GALNT18: variants seen among roughly 807,000 people sequenced by gnomAD.
GALNT18 encodes GalNAc-transferase 18.
A neutral mutation model predicts 69.5 loss-of-function variants in GALNT18; 44 were observed. The observed-to-expected ratio is 0.63, with a 90% CI of 0.50 to 0.81. The LOEUF is 0.81. Among genes scored for constraint, GALNT18 ranks in the 40% least tolerant of loss-of-function variants. The pLI, the probability that GALNT18 is intolerant of heterozygous loss-of-function variation, is 0.00. For synonymous variants in GALNT18, 364 were observed against 318.2 expected, an observed-to-expected ratio of 1.14 and a Z score of -1.53; for missense variants, 715 against 810.0, an observed-to-expected ratio of 0.88 and a Z score of 1.42.
chr11:11,535,724 C>T (rs1236975569), intron 1 of GALNT18, among the ~76,000 whole-genome samples: 1 of 152,208 alleles, frequency 6.6e-6, no homozygotes, highest in African/African-American at 2.4e-5. Flanking sequence ...GATCCTGTGA[C>T]TTCCTCCAGG....
intron 3 of GALNT18, among the ~76,000 whole-genome samples, chr11:11,408,331 C>G (rs1440292046): frequency 3.7e-5 from 5 of 136,076 alleles, no homozygotes; most frequent in Admixed American, 1.6e-4. Context: ...TGGCACAGCA[C>G]TCCAGCCTGA....
chr11:11,505,285 T>C lies in GALNT18; in HGVS notation c.236-56349A>G, dbSNP rs1049494403. 2.6e-5 allele frequency among the ~76,000 whole-genome samples: 4 copies of C among 152,132 alleles called. No homozygotes were observed. The highest frequency in any genetic ancestry group is 7.2e-5 in the African/African-American group (3 of 41,412). On this transcript the variant is annotated intron_variant, in intron 1 of 10. Transcript: ENST00000227756. The surrounding 1 kb of genome is among the most constrained non-coding windows in gnomAD (Gnocchi z 4.6). ...GTCATGGATTGGTTGTGAGATATTA[T>C]GAATATCAACCTTAAGTAAAAACAA... is the stretch of plus-strand genomic sequence containing the variant.
At chr11:11,388,020 G>A (rs1035355206) in intron 3 of GALNT18, among the ~76,000 whole-genome samples, 2 of 152,204 alleles carry the variant, frequency 1.3e-5, no homozygotes, top group African/African-American at 4.8e-5. Flanking sequence ...CTTCAAAGTC[G>A]ATTGATACTA....
At position 11,587,846 on chromosome 11, in the gene GALNT18, T is replaced by C. The variant is rs1407681370; in HGVS notation, c.235+33513A>G. On this transcript the variant is annotated intron_variant, in intron 1 of 10. Coordinates refer to ENST00000227756, the MANE Select transcript of GALNT18 (RefSeq NM_198516.3). The surrounding 1 kb of genome is among the most constrained non-coding windows in gnomAD (Gnocchi z 4.4). ...TGAACCTCTTCTATGGTCCAAAGAA[T>C]AATAAGAACACAAAATATAGAAATC... Among the ~76,000 whole-genome samples, 2 of 151,790 alleles carry C rather than the reference T, an allele frequency of 1.3e-5. No homozygotes were observed. The highest frequency in any genetic ancestry group is 2.9e-5 in the Non-Finnish European group (2 of 67,946).
chr11:11,329,519 C>T (rs145988855), intron 8 of GALNT18, among the ~76,000 whole-genome samples: 1 of 152,350 alleles, frequency 6.6e-6, no homozygotes, highest in East Asian at 1.9e-4. Flanking sequence ...CTTCCCTTGG[C>T]TCTCAGCTTA....
chr11:11,293,324 A>G (rs1849338626), intron 9 of GALNT18, 131 bp from the exon 10 acceptor site: 5 of 553,444 alleles, frequency 9.0e-6, no homozygotes, highest in Non-Finnish European at 1.4e-5. Flanking sequence ...CTTCACATCC[A>G]GTGGCCTTCA....
In GALNT18 at chr11:11,602,447, T is replaced by G. The variant is rs982975170; in HGVS notation, c.235+18912A>C. 6.6e-6 allele frequency among the ~76,000 whole-genome samples: 1 copy of G among 151,978 alleles called. No individual in the cohort carries two copies. Among genetic ancestry groups the G allele is most frequent in the Admixed American group, 6.5e-5 (1 of 15,270 alleles). On this transcript the variant is annotated intron_variant, in intron 1 of 10. Transcript: ENST00000227756. The surrounding 1 kb of genome is among the most constrained non-coding windows in gnomAD (Gnocchi z 4.7). ...GAGAAATATAGCCCTAGAGTGGAAG[T>G]TGTGGGAAAGCAGCACCCCGTCTTC... is the stretch of plus-strand genomic sequence containing the variant.
intron 10 of GALNT18, among the ~76,000 whole-genome samples, chr11:11,285,153 GGGAGGCCCCAGCCCCAAACTCCCAT>G (rs1457286940): frequency 6.6e-6 from 1 of 152,028 alleles, no homozygotes; most frequent in Non-Finnish European, 1.5e-5. Flanking sequence ...AGGCTCAGCA[GGGAGGCCCCAGCCCCAAACTCCCAT>G]TGCAGCGATC....
At chr11:11,589,018 C>G (rs4243940) in intron 1 of GALNT18, among the ~76,000 whole-genome samples, 141,724 of 152,290 alleles carry the variant, frequency 0.93, 66,098 homozygotes, top group East Asian at 0.98. Context: ...GGGAAAGATT[C>G]CATACAAGGA....
At chr11:11,306,716 G>A (rs1052203412) in intron 9 of GALNT18, among the ~76,000 whole-genome samples, 4 of 152,214 alleles carry the variant, frequency 2.6e-5, no homozygotes, top group African/African-American at 9.6e-5. Context: ...ATAATACAAA[G>A]TGAACATGAT....
rs75165635 is a variant in GALNT18 at position 11,583,849 on chromosome 11, A to C, written c.235+37510T>G. 7.6e-3 allele frequency among the ~76,000 whole-genome samples: 1,158 copies of C among 152,290 alleles called. 7 individuals are homozygous for C. The highest frequency in any genetic ancestry group is 0.038 in the South Asian group (181 of 4,824). Reference sequence around the variant, plus strand: ...ACTGGGCTAGGAGGGAGAAATAAAGAAATAGCCCTGTCTGCAAGGAGCAGA... The same window carrying C: ...ACTGGGCTAGGAGGGAGAAATAAAGCAATAGCCCTGTCTGCAAGGAGCAGA... On this transcript the variant is annotated intron_variant, in intron 1 of 10. Coordinates refer to ENST00000227756, the MANE Select transcript of GALNT18 (RefSeq NM_198516.3). The surrounding 1 kb of genome is among the most constrained non-coding windows in gnomAD (Gnocchi z 4.7).
intron 1 of GALNT18, among the ~76,000 whole-genome samples, chr11:11,449,538 G>T (rs1477970664): frequency 1.3e-5 from 2 of 152,206 alleles, no homozygotes; most frequent in African/African-American, 4.8e-5. Flanking sequence ...CATGACACAG[G>T]TGACAGCCAA....
In GALNT18 at chr11:11,339,269, G is replaced by C. The variant is rs530860648; in HGVS notation, c.1278+1550C>G. Among the ~76,000 whole-genome samples, 2 of 152,272 alleles carry C rather than the reference G, an allele frequency of 1.3e-5. No individual in the cohort carries two copies. The highest frequency in any genetic ancestry group is 3.9e-4 in the East Asian group (2 of 5,178). On this transcript the variant is annotated intron_variant, in intron 7 of 10. Coordinates refer to ENST00000227756, the MANE Select transcript of GALNT18 (RefSeq NM_198516.3). This position sits in a 1 kb window ranked among gnomAD's most constrained non-coding sequence, Gnocchi z 5.2. ...CCCATTTGATTTGAACTACCACCTT[G>C]AGGAGTCGCAGACAGACACTGAATT... is the stretch of plus-strand genomic sequence containing the variant.
In GALNT18 at chr11:11,340,743, A is replaced by G; in HGVS notation, c.1278+76T>C. The stretch of plus-strand genomic sequence containing the variant: ...GGACTCTGGCTGACCCATAGGAAGA[A>G]GGGTTCGGTCCCATATCTTGTTTTG... On this transcript the variant is annotated intron_variant, in intron 7 of 10. Transcript: ENST00000227756. The surrounding 1 kb of genome is among the most constrained non-coding windows in gnomAD (Gnocchi z 4.2). The G allele has an allele frequency of 7.3e-7, 1 of 1,370,154 alleles. No individual in the cohort carries two copies. Among genetic ancestry groups the G allele is most frequent in the Non-Finnish European group, 1.0e-6 (1 of 1,000,756 alleles). The allele number at this position is 1,370,154 out of a possible 1,614,324, so 84.9% of individuals were successfully genotyped here. A position where few individuals can be genotyped will look rare whatever the true frequency, so the allele number is the denominator to read the frequency against.
At chr11:11,388,581 C>G (rs547388775) in intron 3 of GALNT18, among the ~76,000 whole-genome samples, 2 of 112,208 alleles carry the variant, frequency 1.8e-5, no homozygotes, top group African/African-American at 7.3e-5. Context: ...TGATTTCAGG[C>G]TACCAGCCTG....
rs375136341 is a variant in GALNT18, at chr11:11,392,600, C to A, written c.596-13336G>T. 1.9e-4 allele frequency among the ~76,000 whole-genome samples: 29 copies of A among 152,214 alleles called. 1 individual carries two copies. The highest frequency in any genetic ancestry group is 1.4e-3 in the East Asian group (7 of 5,170). The stretch of plus-strand genomic sequence containing the variant: ...CGCCATCACACTCTAGCCTGGGCGA[C>A]AAAAGCGAAACTCCTTCTCAAAAAG... On this transcript the variant is annotated intron_variant, in intron 3 of 10. Coordinates refer to ENST00000227756, the MANE Select transcript of GALNT18 (RefSeq NM_198516.3).
At chr11:11,313,130 G>A (rs531578646) in intron 9 of GALNT18, among the ~76,000 whole-genome samples, 66 of 152,262 alleles carry the variant, frequency 4.3e-4, no homozygotes, top group African/African-American at 1.6e-3. Context: ...GAAGGGAAGT[G>A]GGGGGCTTTG....
chr11:11,286,625 A>AT (rs1554910092), intron 10 of GALNT18, among the ~76,000 whole-genome samples: 2 of 152,052 alleles, frequency 1.3e-5, no homozygotes, highest in Non-Finnish European at 1.5e-5. Flanking sequence ...AGATTTGTGA[A>AT]TTTTTTTAAA....
In GALNT18 at chr11:11,444,395, C is replaced by T. The variant is rs915642146; in HGVS notation, c.428+4349G>A. On this transcript the variant is annotated intron_variant, in intron 2 of 10. Coordinates refer to ENST00000227756, the MANE Select transcript of GALNT18 (RefSeq NM_198516.3). The surrounding 1 kb of genome is among the most constrained non-coding windows in gnomAD (Gnocchi z 4.4). ...CTGGGAAATGGTCAGCAGACTCGCC[C>T]TCCCACCAACCTCTGTCTGGGTTCC... is the stretch of plus-strand genomic sequence containing the variant. Among the ~76,000 whole-genome samples, 1 of 152,226 alleles carries T rather than the reference C, an allele frequency of 6.6e-6. No homozygotes were observed. The highest frequency in any genetic ancestry group is 1.5e-5 in the Non-Finnish European group (1 of 68,042).
Sources: allele counts gnomAD v4.1 joint callset (sites outside exome capture counted in the v4.1 genomes callset), GRCh38; gene constraint gnomAD v4.1.1; non-coding constraint Gnocchi (gnomAD v3.1); transcripts MANE v1.5; gene names NCBI Gene and HGNC (gene_info 2026-07-23, HGNC 2026-07-21).